Variants in OASL observed in about 807,000 individuals in gnomAD.
The protein encoded by OASL is 2'-5'-oligoadenylate synthase-like protein.
Under a neutral mutation model 35.3 loss-of-function variants are expected in OASL, and 28 were observed. The ratio of observed to expected loss-of-function variants is 0.79; its 90% CI spans 0.59 to 1.09. The LOEUF (loss-of-function observed/expected upper bound fraction) is 1.09, where lower values mean the gene tolerates loss of function less well. Among genes scored for constraint, OASL ranks in the 50% least tolerant of loss-of-function variants. The pLI, the probability that OASL is intolerant of heterozygous loss-of-function variation, is 0.00. For missense variants in OASL, 620 were observed against 635.2 expected, an observed-to-expected ratio of 0.98 and a Z score of 0.26; for synonymous variants, 252 against 254.6, an observed-to-expected ratio of 0.99 and a Z score of 0.10.
At chr12:121,037,510 G>A (rs968416574) in intron 1 of OASL, among the ~76,000 whole-genome samples, 7 of 152,130 alleles carry the variant, frequency 4.6e-5, no homozygotes, top group African/African-American at 1.4e-4. Context: ...GAGTGCAGTG[G>A]CTCACTGTAA....
intron 2 of OASL, among the ~76,000 whole-genome samples, chr12:121,033,065 C>T (rs1339285186): frequency 6.6e-6 from 1 of 151,942 alleles, no homozygotes; most frequent in Non-Finnish European, 1.5e-5. Context: ...GCTGGGATTA[C>T]AGGCGCCCAC....
chr12:121,025,169 G>A (rs572361449), intron 4 of OASL, among the ~76,000 whole-genome samples: 1 of 151,694 alleles, frequency 6.6e-6, no homozygotes, highest in East Asian at 2.0e-4. Flanking sequence ...GTAGAGATGG[G>A]GTTTCACCAT....
In OASL at chr12:121,031,588, G is replaced by C. The variant is rs372469551; in HGVS notation, c.511C>G (p.Pro171Ala). 1.0e-4 allele frequency: 165 copies of C among 1,613,566 alleles called. No homozygotes were observed. The Middle Eastern group carries it at 1.6e-3, about 16-fold the overall frequency. ...TTGATCAGGCTCACATAGACCTCAG[G>C]GGGTGGCTGGGAGTTGGGAAGAGAA... The change falls in exon 3 of 6, where the codon CCT (proline) becomes GCT (alanine). Residue 171 changes from proline to alanine, a missense_variant. Coordinates refer to ENST00000257570, the Ensembl canonical transcript of OASL.
At chr12:121,027,542 T>G in intron 4 of OASL, 34 bp downstream of exon 4, 1 of 1,610,198 alleles carries the variant, frequency 6.2e-7, no homozygotes, top group Non-Finnish European at 8.5e-7. Context: ...TCTTTTTTTC[T>G]GTAAGATTTG....
At chr12:121,017,913 A>C (rs1263953443), downstream of OASL, among the ~76,000 whole-genome samples, 1 of 152,262 alleles carries the variant, frequency 6.6e-6, no homozygotes, top group Admixed American at 6.5e-5. Flanking sequence ...CGTTGATCAC[A>C]GGAGCCTGTT....
rs746740823 is a variant in OASL, at chr12:121,033,530, A to G, written c.412T>C (p.Phe138Leu). 3 of 1,614,044 alleles carry G rather than the reference A, an allele frequency of 1.9e-6. No homozygotes were observed. In the African/African-American group the frequency reaches 4.0e-5, roughly 22 times the overall value. The stretch of plus-strand genomic sequence containing the variant: ...GCAGTCCCCCTGGTCTGGATGGTGA[A>G]GACGAGAGCATCGGGGACTCTCTGC... Residue 138 changes from phenylalanine to leucine, a missense_variant, in exon 2 of 6, where the codon TTC (phenylalanine) becomes CTC (leucine). Coordinates refer to ENST00000257570, the Ensembl canonical transcript of OASL.
chr12:121,024,020 C>T, exon 5 of OASL: 2 of 1,614,142 alleles, frequency 1.2e-6, no homozygotes, highest in Non-Finnish European at 1.7e-6. Context: ...TGGGGTTCTC[C>T]CTGTTGTCAT....
At chr12:121,023,290 T>TC (rs1555215041) in intron 5 of OASL, among the ~76,000 whole-genome samples, 14 of 134,176 alleles carry the variant, frequency 1.0e-4, no homozygotes, top group East Asian at 5.9e-4. Flanking sequence ...TTTTTTTCTT[T>TC]TTTTCTTTTT....
At chr12:121,021,041 G>A in exon 6 of OASL, 1 of 1,594,230 alleles carries the variant, frequency 6.3e-7, no homozygotes, top group East Asian at 2.2e-5. Flanking sequence ...CCACTGTCAA[G>A]TGGATGTCTC....
chr12:121,037,994 G>A (rs1870021232), intron 1 of OASL, among the ~76,000 whole-genome samples: 1 of 151,704 alleles, frequency 6.6e-6, no homozygotes, highest in African/African-American at 2.4e-5. Flanking sequence ...TTAGGAGGCT[G>A]AGGATCACCT....
chr12:121,020,524 C>T lies in OASL; in HGVS notation c.*37G>A, dbSNP rs1187420882. 2.6e-6 allele frequency: 4 copies of T among 1,558,372 alleles called. No homozygotes were observed. In the South Asian group the frequency reaches 4.9e-5, roughly 19 times the overall value. ...GATTGACAGGATGAGTTCTGGAGTA[C>T]ATGGCAGAAATGTACAGAGAAGTCT... On this transcript the variant is annotated 3_prime_UTR_variant, in exon 6 of 6. Transcript: ENST00000257570.
chr12:121,028,387 A>C (rs936108343), intron 3 of OASL, among the ~76,000 whole-genome samples: 1 of 152,200 alleles, frequency 6.6e-6, no homozygotes, highest in Non-Finnish European at 1.5e-5. Context: ...TTGCTTCAAG[A>C]GAAGGCATGC....
In OASL at chr12:121,032,394, T is replaced by A. The variant is rs568167626; in HGVS notation, c.482-777A>T. On this transcript the variant is annotated intron_variant, in intron 2 of 5. Coordinates refer to ENST00000257570, the Ensembl canonical transcript of OASL. ...AGATGAAACCTCTAGGATCTGGGCT[T>A]GCAGCATGTAGGTTTTACTTCAAAC... 2.6e-5 allele frequency among the ~76,000 whole-genome samples: 4 copies of A among 152,264 alleles called. No individual in the cohort carries two copies. The East Asian group carries it at 7.7e-4, about 29-fold the overall frequency.
rs1157991026 is a variant in OASL at position 121,021,582 on chromosome 12, G to A, written c.1048-524C>T. On this transcript the variant is annotated intron_variant, in intron 5 of 5. Coordinates refer to ENST00000257570, the Ensembl canonical transcript of OASL. ...TCCCAGCACTTTGGGAGGCCAAGGC[G>A]GGCAGATCACTTGAGGTCAGGAGTT... 3.3e-5 allele frequency among the ~76,000 whole-genome samples: 5 copies of A among 152,220 alleles called. No individual in the cohort carries two copies. In the East Asian group the frequency reaches 7.7e-4, roughly 23 times the overall value.
intron 1 of OASL, among the ~76,000 whole-genome samples, chr12:121,035,539 A>AAACCAAACAT (rs1555216040): frequency 8.4e-6 from 1 of 119,732 alleles, no homozygotes; most frequent in African/African-American, 2.8e-5. Context: ...AAACAAAACA[A>AAACCAAACAT]CAAAAAAAAA....
At chr12:121,023,288 TTTTTTTC>T (rs977270751) in intron 5 of OASL, among the ~76,000 whole-genome samples, 2 of 39,348 alleles carry the variant, frequency 5.1e-5, no homozygotes, top group African/African-American at 1.2e-4. Flanking sequence ...TTTTTTTTTC[TTTTTTTC>T]TTTTTTTTTT....
At chr12:121,018,055 G>A (rs978904947), downstream of OASL, among the ~76,000 whole-genome samples, 2 of 152,136 alleles carry the variant, frequency 1.3e-5, no homozygotes, top group African/African-American at 4.8e-5. Context: ...ATTTGTTAGG[G>A]TTTGACATAA....
At chr12:121,027,695 G>A (rs1272219531) in exon 4 of OASL, 1 of 1,614,086 alleles carries the variant, frequency 6.2e-7, no homozygotes, top group African/African-American at 1.3e-5. Flanking sequence ...TCACAGTGGT[G>A]AAGCCTTCGT....
At position 121,033,446 on chromosome 12, in the gene OASL, T is replaced by G; in HGVS notation, c.481+15A>C. 1 of 1,601,706 alleles carries G rather than the reference T, an allele frequency of 6.2e-7. No homozygotes were observed. Among genetic ancestry groups the G allele is most frequent in the South Asian group, 1.1e-5 (1 of 90,842 alleles). On this transcript the variant is annotated intron_variant, in intron 2 of 5. Transcript: ENST00000257570. ...GGGCAAGTGTGTGAGTCGGGTGAGCTTCCCCTCCCCTTACCCAGGGCTCTG... is the reference window on the plus strand; with the variant it reads ...GGGCAAGTGTGTGAGTCGGGTGAGCGTCCCCTCCCCTTACCCAGGGCTCTG...
Sources: gnomAD v4.1 joint callset for allele counts (sites outside exome capture counted in the v4.1 genomes callset) on GRCh38, gnomAD v4.1.1 for gene constraint, MANE v1.5 for transcripts, NCBI Gene and HGNC (gene_info 2026-07-23, HGNC 2026-07-21) for gene names.